Variants in GUCY1A2 observed in about 807,000 individuals in gnomAD.
The protein encoded by GUCY1A2 is guanylate cyclase soluble subunit alpha-2.
In GUCY1A2, 27 loss-of-function variants were observed where a neutral mutation model predicts 63.5. The observed-to-expected ratio is 0.43, with a 90% CI of 0.31 to 0.59. The LOEUF is 0.59. Ranked by LOEUF, GUCY1A2 falls within the 20% of genes least tolerant of loss-of-function variation. GUCY1A2 has a pLI of 0.11. For missense variants in GUCY1A2, 768 were observed against 913.3 expected, an observed-to-expected ratio of 0.84 and a Z score of 2.05; for synonymous variants, 364 against 343.5, an observed-to-expected ratio of 1.06 and a Z score of -0.66.
intron 3 of GUCY1A2, among the ~76,000 whole-genome samples, chr11:106,969,317 T>G (rs1861165394): frequency 6.6e-6 from 1 of 152,178 alleles, no homozygotes; most frequent in African/African-American, 2.4e-5. Flanking sequence ...TGAATTTAAC[T>G]CTAATCTTAC....
At chr11:106,730,478 T>C (rs1329418087) in intron 6 of GUCY1A2, among the ~76,000 whole-genome samples, 1 of 152,114 alleles carries the variant, frequency 6.6e-6, no homozygotes, top group Admixed American at 6.6e-5. Context: ...TAGTATTCCA[T>C]GGTATATATG....
At chr11:106,791,780 C>A (rs535900279) in intron 5 of GUCY1A2, among the ~76,000 whole-genome samples, 107 of 152,298 alleles carry the variant, frequency 7.0e-4, no homozygotes, top group African/African-American at 2.3e-3. Flanking sequence ...AAAGTATCCC[C>A]AGTCCTCAGC....
chr11:106,784,533 T>C (rs1864523710), intron 5 of GUCY1A2, among the ~76,000 whole-genome samples: 2 of 152,076 alleles, frequency 1.3e-5, no homozygotes, highest in Non-Finnish European at 2.9e-5. Flanking sequence ...CCACCTCCCA[T>C]AGGGAACAAA....
intron 7 of GUCY1A2, among the ~76,000 whole-genome samples, chr11:106,706,415 G>T (rs1431287526): frequency 6.6e-6 from 1 of 152,106 alleles, no homozygotes; most frequent in Admixed American, 6.6e-5. Flanking sequence ...GTAAGCTTCA[G>T]TGTATGCAGT....
rs1484088593 is a variant in GUCY1A2 at position 106,709,535 on chromosome 11, A to G, written c.1837-869T>C. ...TATTCTATAAATATAATAATAATATAATATATTATATTATTATATAAATAT... is the reference window on the plus strand; with the variant it reads ...TATTCTATAAATATAATAATAATATGATATATTATATTATTATATAAATAT... On this transcript the variant is annotated intron_variant, in intron 6 of 7. Transcript: ENST00000526355. 2.7e-5 allele frequency among the ~76,000 whole-genome samples: 2 copies of G among 73,214 alleles called. 1 individual carries two copies. The highest frequency in any genetic ancestry group is 7.7e-4 in the South Asian group (2 of 2,600). 48.0% of individuals were successfully genotyped at this position (73,214 alleles called of 152,430 possible). A position where few individuals can be genotyped will look rare whatever the true frequency, so the allele number is the denominator to read the frequency against.
chr11:106,850,919 A>T (rs894824875), intron 4 of GUCY1A2, among the ~76,000 whole-genome samples: 1 of 151,816 alleles, frequency 6.6e-6, no homozygotes, highest in Non-Finnish European at 1.5e-5. Flanking sequence ...AACCTCCATG[A>T]TGTTTTCCAT....
intron 6 of GUCY1A2, among the ~76,000 whole-genome samples, chr11:106,727,670 T>G (rs1247090345): frequency 6.6e-6 from 1 of 152,146 alleles, no homozygotes; most frequent in Non-Finnish European, 1.5e-5. Context: ...TTCTTAAAAA[T>G]AAAAGGAAAA....
At chr11:106,821,936 G>A (rs1336318381) in intron 4 of GUCY1A2, among the ~76,000 whole-genome samples, 2 of 152,128 alleles carry the variant, frequency 1.3e-5, no homozygotes, top group Non-Finnish European at 2.9e-5. Flanking sequence ...AGTCAGGGGT[G>A]TTTGTTTAAT....
At chr11:106,772,578 T>C (rs1036628377) in intron 6 of GUCY1A2, among the ~76,000 whole-genome samples, 2 of 152,214 alleles carry the variant, frequency 1.3e-5, no homozygotes, top group African/African-American at 4.8e-5. Flanking sequence ...TAAATCTTTA[T>C]GGATATTTCC....
chr11:106,765,468 CT>C (rs1864146956), intron 6 of GUCY1A2, among the ~76,000 whole-genome samples: 1 of 152,042 alleles, frequency 6.6e-6, no homozygotes, highest in African/African-American at 2.4e-5. Context: ...AGGGATGTAC[CT>C]GGTTTGCTTA....
intron 4 of GUCY1A2, among the ~76,000 whole-genome samples, chr11:106,815,468 A>T (rs1246829048): frequency 6.6e-6 from 1 of 151,786 alleles, no homozygotes; most frequent in Non-Finnish European, 1.5e-5. Context: ...TCACTCCAAG[A>T]TACATTTTAG....
chr11:106,802,122 A>G (rs191254439), intron 5 of GUCY1A2, among the ~76,000 whole-genome samples: 311 of 152,306 alleles, frequency 2.0e-3, no homozygotes, highest in African/African-American at 7.3e-3. Flanking sequence ...TGTTTTAAAA[A>G]GGTAATAGAA....
rs533325140 is a variant in GUCY1A2 at position 106,948,750 on chromosome 11, T to A, written c.488-8572A>T. ...CATTTTGCTGAAGTAAATCTGTGTA[T>A]ATGAGAAGTTTTAATATACCACAGA... On this transcript the variant is annotated intron_variant, in intron 3 of 7. Transcript: ENST00000526355. 4.7e-4 allele frequency among the ~76,000 whole-genome samples: 71 copies of A among 152,168 alleles called. 1 individual carries two copies. The highest frequency in any genetic ancestry group is 7.6e-4 in the Non-Finnish European group (52 of 68,012).
chr11:106,959,073 C>A (rs1471043), intron 3 of GUCY1A2, among the ~76,000 whole-genome samples: 137,114 of 152,244 alleles, frequency 0.9, 61,807 homozygotes, highest in East Asian at 1. Flanking sequence ...GCATGCCAAG[C>A]GGAGCAACTA....
At chr11:106,873,556 G>A (rs558355032) in intron 4 of GUCY1A2, among the ~76,000 whole-genome samples, 12 of 152,022 alleles carry the variant, frequency 7.9e-5, no homozygotes, top group African/African-American at 2.2e-4. Flanking sequence ...TCTTGGCCAC[G>A]TACATGTCTT....
In GUCY1A2 at chr11:106,975,645, G is replaced by A. The variant is rs547397270; in HGVS notation, c.487+2974C>T. ...AAGAAACAGACCATAATCAATATCC[G>A]TAATTTGTAAATGATGAGACAGAAA... On this transcript the variant is annotated intron_variant, in intron 3 of 7. Coordinates refer to ENST00000526355, the MANE Select transcript of GUCY1A2 (RefSeq NM_000855.3). Among the ~76,000 whole-genome samples, 7 of 152,196 alleles carry A rather than the reference G, an allele frequency of 4.6e-5. No individual in the cohort carries two copies. In the East Asian group the frequency reaches 9.7e-4, roughly 21 times the overall value.
At chr11:106,853,867 G>T (rs1002476467) in intron 4 of GUCY1A2, among the ~76,000 whole-genome samples, 2 of 152,178 alleles carry the variant, frequency 1.3e-5, no homozygotes, top group East Asian at 3.9e-4. Context: ...TTTATTCTGG[G>T]AAAGTGCAGT....
intron 3 of GUCY1A2, among the ~76,000 whole-genome samples, chr11:106,946,376 A>G (rs1860829223): frequency 6.6e-6 from 1 of 152,170 alleles, no homozygotes; most frequent in East Asian, 1.9e-4. Context: ...AACAATGTAA[A>G]AGAAATATGA....
In GUCY1A2 at chr11:106,907,397, C is replaced by CT. The variant is rs1025570043; in HGVS notation, c.1206+32062dup. On this transcript the variant is annotated intron_variant, in intron 4 of 7. Coordinates refer to ENST00000526355, the MANE Select transcript of GUCY1A2 (RefSeq NM_000855.3). The stretch of plus-strand genomic sequence containing the variant: ...TAGCTATGGCTGAGACACAGCAATT[C>CT]TTTTTTTTAATTTTATTATTATTAT... Among the ~76,000 whole-genome samples, 29 of 148,480 alleles carry CT rather than the reference C, an allele frequency of 2.0e-4. No individual in the cohort carries two copies. In the East Asian group the frequency reaches 4.8e-3, roughly 25 times the overall value.
Sources: allele counts gnomAD v4.1 joint callset (sites outside exome capture counted in the v4.1 genomes callset), GRCh38; gene constraint gnomAD v4.1.1; transcripts MANE v1.5; gene names NCBI Gene and HGNC (gene_info 2026-07-23, HGNC 2026-07-21).